SGPP2: variants seen among roughly 807,000 people sequenced by gnomAD.
The protein encoded by SGPP2 is sphingosine 1-phosphate phosphohydrolase 2.
In SGPP2, 30 loss-of-function variants were observed where a neutral mutation model predicts 33.9. The observed-to-expected ratio is 0.89, with a 90% CI of 0.66 to 1.20. SGPP2 has a LOEUF of 1.20. SGPP2 is among the 50% of genes most tolerant of loss of function. The pLI is 0.00. For missense variants in SGPP2, 458 were observed against 532.1 expected (o/e 0.86, Z 1.37); for synonymous variants, 233 against 225.0 (o/e 1.04, Z -0.32).
intron 1 of SGPP2, among the ~76,000 whole-genome samples, chr2:222,451,184 AC>A (rs1697482237): frequency 6.6e-6 from 1 of 151,490 alleles, no homozygotes; most frequent in Non-Finnish European, 1.5e-5. Context: ...ACCAAACAAA[AC>A]TCCCCACTAA....
chr2:222,521,789 T>A lies in SGPP2; in HGVS notation c.401T>A (p.Val134Glu). The part of the protein sequence containing the change: ...IWVLVMYIGQ[V>E]AKDVLKWPRP... ...CAGTTGGTGATGTATATTGGCCAAG[T>A]GGCCAAGGATGTCTTGAAGTGGCCC... The change falls in exon 3 of 5, where the codon GTG (valine) becomes GAG (glutamate). Residue 134 changes from valine (V) to glutamate (E), a missense_variant. Val to Glu is a moderately radical substitution (Grantham distance 121). Coordinates refer to ENST00000321276, the MANE Select transcript of SGPP2 (RefSeq NM_152386.4). The A allele has an allele frequency of 6.2e-7, 1 of 1,607,632 alleles. No individual in the cohort carries two copies. Among genetic ancestry groups the A allele is most frequent in the Non-Finnish European group, 8.5e-7 (1 of 1,177,968 alleles).
chr2:222,530,131 C>T (rs542055534), intron 4 of SGPP2, among the ~76,000 whole-genome samples: 2 of 152,310 alleles, frequency 1.3e-5, no homozygotes, highest in Middle Eastern at 3.4e-3. Context: ...TGCAAACAGA[C>T]GTGCTGTCAC....
Position 222,438,148 on chromosome 2 carries a change from CT to C in SGPP2, c.219+13330del, listed in dbSNP as rs373453335. ...AATAGGCCCATTAGGCATTGTGCCT[CT>C]TTCTTGGTTGTAGAAGGGGCCAAAT... On this transcript the variant is annotated intron_variant, in intron 1 of 4. Coordinates refer to ENST00000321276, the MANE Select transcript of SGPP2 (RefSeq NM_152386.4). 1.7e-3 allele frequency among the ~76,000 whole-genome samples: 256 copies of C among 152,346 alleles called. 2 individuals carry two copies. The Middle Eastern group carries it at 0.017, about 10-fold the overall frequency.
chr2:222,435,889 AG>A (rs920626515), intron 1 of SGPP2, among the ~76,000 whole-genome samples: 10 of 152,312 alleles, frequency 6.6e-5, no homozygotes, highest in Non-Finnish European at 1.3e-4. Flanking sequence ...GCACTTCAGC[AG>A]GTCGTGGTTT....
At chr2:222,487,046 G>A (rs189657369) in intron 2 of SGPP2, among the ~76,000 whole-genome samples, 17 of 151,792 alleles carry the variant, frequency 1.1e-4, no homozygotes, top group Non-Finnish European at 2.2e-4. Context: ...AGTTTATATC[G>A]TGCTTAGGAT....
chr2:222,541,421 G>T (rs1698994800), intron 4 of SGPP2, among the ~76,000 whole-genome samples: 1 of 152,078 alleles, frequency 6.6e-6, no homozygotes, highest in Admixed American at 6.5e-5. Flanking sequence ...GGAGAAGAAA[G>T]TTCTACAGTT....
Position 222,474,589 on chromosome 2 carries a change from G to A in SGPP2, c.241G>A (p.Val81Met), listed in dbSNP as rs138702204. The A allele has an allele frequency of 3.4e-5, 55 of 1,613,960 alleles. No individual in the cohort carries two copies. Among genetic ancestry groups the A allele is most frequent in the Admixed American group, 1.8e-4 (11 of 60,016 alleles). ...APEAYVQKYV[V>M]KNYFYYYLFQ... ...TTAGGCTTATGTACAGAAGTACGTC[G>A]TGAAGAATTATTTCTACTATTACCT... The change falls in exon 2 of 5, where the codon GTG becomes ATG. Residue 81 changes from valine to methionine, a missense_variant. Physicochemically the swap from Val to Met is conservative, Grantham distance 21. Coordinates refer to ENST00000321276, the MANE Select transcript of SGPP2 (RefSeq NM_152386.4).
chr2:222,436,613 A>T (rs1208358164), intron 1 of SGPP2, among the ~76,000 whole-genome samples: 1 of 152,200 alleles, frequency 6.6e-6, no homozygotes, highest in Non-Finnish European at 1.5e-5. Context: ...CTTTAGCCGT[A>T]AAGTGAATGC....
chr2:222,518,052 A>C (rs551505665), intron 2 of SGPP2, among the ~76,000 whole-genome samples: 1 of 152,350 alleles, frequency 6.6e-6, no homozygotes, highest in African/African-American at 2.4e-5. Flanking sequence ...GGCTTGGCTC[A>C]TCATAGCATC....
intron 4 of SGPP2, among the ~76,000 whole-genome samples, chr2:222,527,132 T>C (rs140910499): frequency 7.9e-5 from 12 of 152,288 alleles, no homozygotes; most frequent in African/African-American, 2.6e-4. Context: ...TTAAAGTGAG[T>C]TGTGGGGACA....
chr2:222,509,588 A>G (rs13402690), intron 2 of SGPP2, among the ~76,000 whole-genome samples: 6,913 of 152,228 alleles, frequency 0.045, 542 homozygotes, highest in African/African-American at 0.16. Flanking sequence ...ATTGAACAGG[A>G]TTTTTGAAGA....
At chr2:222,524,112 G>C (rs955236265) in intron 3 of SGPP2, among the ~76,000 whole-genome samples, 1 of 152,152 alleles carries the variant, frequency 6.6e-6, no homozygotes, top group Non-Finnish European at 1.5e-5. Context: ...TTATGATAAA[G>C]TTTATTAATA....
intron 4 of SGPP2, among the ~76,000 whole-genome samples, chr2:222,551,475 T>G (rs1689293098): frequency 6.6e-6 from 1 of 152,220 alleles, no homozygotes; most frequent in African/African-American, 2.4e-5. Context: ...AAAAAGTTGT[T>G]TTCAAATTTT....
At chr2:222,457,677 G>A (rs1355819137) in intron 1 of SGPP2, among the ~76,000 whole-genome samples, 1 of 152,172 alleles carries the variant, frequency 6.6e-6, no homozygotes, top group East Asian at 1.9e-4. Flanking sequence ...GGAAAGTAAG[G>A]GAGGCAGCCT....
chr2:222,462,545 A>G (rs1697679469), intron 1 of SGPP2, among the ~76,000 whole-genome samples: 1 of 152,218 alleles, frequency 6.6e-6, no homozygotes, highest in Non-Finnish European at 1.5e-5. Flanking sequence ...CTCAGCCAAA[A>G]GAATGGTCTG....
At chr2:222,548,637 A>G (rs903761329) in intron 4 of SGPP2, among the ~76,000 whole-genome samples, 19 of 152,218 alleles carry the variant, frequency 1.2e-4, no homozygotes, top group African/African-American at 4.6e-4. Flanking sequence ...TGCTCATACC[A>G]TGTGACAGGT....
intron 4 of SGPP2, among the ~76,000 whole-genome samples, chr2:222,528,839 A>G (rs1352200975): frequency 1.3e-5 from 2 of 152,132 alleles, no homozygotes; most frequent in Admixed American, 6.5e-5. Context: ...CTTGTCTCAA[A>G]TTCTTGGGCT....
At chr2:222,450,801 C>T (rs754908840) in intron 1 of SGPP2, among the ~76,000 whole-genome samples, 4 of 152,164 alleles carry the variant, frequency 2.6e-5, no homozygotes, top group South Asian at 2.1e-4. Flanking sequence ...GAGAGAAAGA[C>T]AGGAAGAGAG....
In SGPP2 at chr2:222,498,715, G is replaced by A. The variant is rs190355104; in HGVS notation, c.379-23052G>A. On this transcript the variant is annotated intron_variant, in intron 2 of 4. Coordinates refer to ENST00000321276, the MANE Select transcript of SGPP2 (RefSeq NM_152386.4). ...ATAAAAATATATAGTCTAAATGCAGGCAGGGTATAAAGTTGTGTGAAGAAA... is the reference window on the plus strand; with the variant it reads ...ATAAAAATATATAGTCTAAATGCAGACAGGGTATAAAGTTGTGTGAAGAAA... Among the ~76,000 whole-genome samples, 147 of 152,280 alleles carry A rather than the reference G, an allele frequency of 9.7e-4. 3 individuals carry two copies. Among genetic ancestry groups the A allele is most frequent in the Non-Finnish European group, 6.2e-4 (42 of 68,018 alleles).
Sources: gnomAD v4.1 joint callset for allele counts (sites outside exome capture counted in the v4.1 genomes callset) on GRCh38, gnomAD v4.1.1 for gene constraint, MANE v1.5 for transcripts, NCBI Gene and HGNC (gene_info 2026-07-23, HGNC 2026-07-21) for gene names.